PTPRD: variants seen among roughly 807,000 people sequenced by gnomAD.
PTPRD encodes receptor-type tyrosine-protein phosphatase delta.
In PTPRD, 34 loss-of-function variants were observed where a neutral mutation model predicts 214.5. The ratio of observed to expected loss-of-function variants is 0.16; its 90% confidence interval spans 0.12 to 0.21. PTPRD has a LOEUF of 0.21. Among genes scored for constraint, PTPRD ranks in the 10% least tolerant of loss-of-function variants. The probability of loss-of-function intolerance (pLI) is 1.00; values close to 1 mark genes in which losing one functional copy is unlikely to be tolerated. For synonymous variants in PTPRD, 1,128 were observed against 845.7 expected (o/e 1.33, Z -5.79); for missense variants, 2,545 against 2,398.7 (o/e 1.06, Z -1.27).
At chr9:10,372,532 T>G (rs12376179) in intron 2 of PTPRD, among the ~76,000 whole-genome samples, 8,036 of 152,112 alleles carry the variant, frequency 0.053, 303 homozygotes, top group Non-Finnish European at 0.082. Context: ...AATTTTACTT[T>G]GTCTGCCATT....
At chr9:10,317,840 G>A (rs2096471896) in intron 3 of PTPRD, among the ~76,000 whole-genome samples, 1 of 151,796 alleles carries the variant, frequency 6.6e-6, no homozygotes, top group Admixed American at 6.6e-5. Context: ...ATTTACCTTT[G>A]GCTCACATGT....
intron 3 of PTPRD, among the ~76,000 whole-genome samples, chr9:10,155,463 C>T (rs1432118356): frequency 6.6e-6 from 1 of 151,942 alleles, no homozygotes; most frequent in Non-Finnish European, 1.5e-5. Context: ...TGTTTGTTCT[C>T]GCCAGGACTT....
At chr9:8,428,002 A>G (rs980565728) in intron 35 of PTPRD, among the ~76,000 whole-genome samples, 2 of 152,132 alleles carry the variant, frequency 1.3e-5, no homozygotes, top group Non-Finnish European at 2.9e-5. Flanking sequence ...GTTTTTAATG[A>G]TTGTATGAAG....
intron 12 of PTPRD, 96 bp downstream of exon 12, chr9:8,733,684 A>G: frequency 7.8e-7 from 1 of 1,283,962 alleles, no homozygotes; most frequent in East Asian, 2.5e-5. Flanking sequence ...TTTACTTCCA[A>G]AGGAAATGTA....
intron 8 of PTPRD, among the ~76,000 whole-genome samples, chr9:9,419,899 C>G (rs572175905): frequency 6.6e-6 from 1 of 151,568 alleles, no homozygotes; most frequent in African/African-American, 2.4e-5. Flanking sequence ...CTTTATTTAT[C>G]AACAACTGAA....
At chr9:10,253,979 T>C (rs1248079705) in intron 3 of PTPRD, among the ~76,000 whole-genome samples, 1 of 152,156 alleles carries the variant, frequency 6.6e-6, no homozygotes, top group Non-Finnish European at 1.5e-5. Flanking sequence ...TAAACAACCC[T>C]AATTCTATAG....
intron 3 of PTPRD, among the ~76,000 whole-genome samples, chr9:10,213,702 T>C (rs1163284257): frequency 6.6e-6 from 1 of 152,124 alleles, no homozygotes; most frequent in Non-Finnish European, 1.5e-5. Context: ...AGATGTTACA[T>C]TATTTATTGA....
intron 2 of PTPRD, among the ~76,000 whole-genome samples, chr9:10,489,822 C>T (rs948537414): frequency 1.3e-5 from 2 of 152,112 alleles, no homozygotes; most frequent in African/African-American, 4.8e-5. Flanking sequence ...GTGTGCTTTC[C>T]TCTCCCCAGC....
intron 10 of PTPRD, among the ~76,000 whole-genome samples, chr9:9,070,071 G>A (rs900428938): frequency 2.0e-5 from 3 of 152,152 alleles, no homozygotes; most frequent in African/African-American, 7.2e-5. Context: ...AATCAGTCAT[G>A]TATTTCAAGT....
chr9:8,592,527 T>C (rs746770150), intron 14 of PTPRD, among the ~76,000 whole-genome samples: 2 of 152,146 alleles, frequency 1.3e-5, no homozygotes, highest in African/African-American at 2.4e-5. Context: ...ACATCTTTCA[T>C]TTTGATTACA....
chr9:8,363,546 T>C (rs1371233583), intron 39 of PTPRD, among the ~76,000 whole-genome samples: 1 of 151,486 alleles, frequency 6.6e-6, no homozygotes, highest in Non-Finnish European at 1.5e-5. Flanking sequence ...ACCTATTTTA[T>C]AGATTGACCA....
intron 7 of PTPRD, among the ~76,000 whole-genome samples, chr9:9,714,359 G>C (rs143944566): frequency 1.3e-5 from 2 of 152,292 alleles, no homozygotes; most frequent in African/African-American, 4.8e-5. Flanking sequence ...TGCAAGGATT[G>C]ACTTGGCTTC....
chr9:9,976,835 G>C (rs1450975592), intron 4 of PTPRD, among the ~76,000 whole-genome samples: 1 of 151,808 alleles, frequency 6.6e-6, no homozygotes, highest in Non-Finnish European at 1.5e-5. Flanking sequence ...TTGTCTGTAG[G>C]AGTGATAAAT....
At chr9:10,097,661 A>G (rs893848068) in intron 3 of PTPRD, among the ~76,000 whole-genome samples, 4 of 151,692 alleles carry the variant, frequency 2.6e-5, no homozygotes, top group Non-Finnish European at 5.9e-5. Context: ...GGTTTTCTAG[A>G]TATACAATCA....
intron 8 of PTPRD, among the ~76,000 whole-genome samples, chr9:9,452,037 T>C (rs1403321120): frequency 6.6e-6 from 1 of 151,490 alleles, no homozygotes; most frequent in Non-Finnish European, 1.5e-5. Flanking sequence ...TTGGAAGATA[T>C]AATACCTCAC....
At chr9:8,567,484 T>C (rs2089704748) in intron 14 of PTPRD, among the ~76,000 whole-genome samples, 1 of 152,176 alleles carries the variant, frequency 6.6e-6, no homozygotes, top group South Asian at 2.1e-4. Context: ...ATTGCAGTGA[T>C]CTGGGAAAGC....
At chr9:8,521,715 G>A (rs1489917088) in intron 19 of PTPRD, among the ~76,000 whole-genome samples, 169 bp from the exon 20 acceptor site, 4 of 152,106 alleles carry the variant, frequency 2.6e-5, no homozygotes, top group African/African-American at 7.2e-5. Context: ...TACAAGTATG[G>A]TGTGTGTATA....
intron 7 of PTPRD, among the ~76,000 whole-genome samples, chr9:9,597,913 T>G (rs2154335011): frequency 1.3e-5 from 2 of 152,146 alleles, no homozygotes; most frequent in South Asian, 4.1e-4. Context: ...CTTTCCCTAA[T>G]TTTCTGTGAT....
chr9:10,518,850 T>A (rs1212271605), intron 2 of PTPRD, among the ~76,000 whole-genome samples: 4 of 152,068 alleles, frequency 2.6e-5, no homozygotes, highest in Non-Finnish European at 5.9e-5. Flanking sequence ...TTTTTTTTTT[T>A]TAAATAATAA....
Sources: gnomAD v4.1 joint callset for allele counts (sites outside exome capture counted in the v4.1 genomes callset) on GRCh38, gnomAD v4.1.1 for gene constraint, MANE v1.5 for transcripts, NCBI Gene and HGNC (gene_info 2026-07-23, HGNC 2026-07-21) for gene names.